Variants in ADK observed in about 807,000 individuals in gnomAD.
The protein encoded by ADK is N6,N6-dimethyladenosine kinase.
In ADK, 24 loss-of-function variants were observed where a neutral mutation model predicts 44.7. The observed-to-expected ratio is 0.54, with a 90% CI of 0.39 to 0.76. ADK has a LOEUF of 0.76. Ranked by LOEUF, ADK falls within the 30% of genes least tolerant of loss-of-function variation. The pLI is 0.00. For synonymous variants in ADK, 128 were observed against 142.6 expected (o/e 0.90, Z 0.73); for missense variants, 321 against 425.1 (o/e 0.76, Z 2.15).
intron 3 of ADK, among the ~76,000 whole-genome samples, chr10:74,269,402 CT>C (rs1846341322): frequency 6.6e-6 from 1 of 152,170 alleles, no homozygotes; most frequent in Non-Finnish European, 1.5e-5. Flanking sequence ...CAGCTTTATA[CT>C]GGTGTCTTTT....
intron 4 of ADK, among the ~76,000 whole-genome samples, chr10:74,337,621 T>C (rs1183639606): frequency 6.6e-6 from 1 of 152,250 alleles, no homozygotes; most frequent in African/African-American, 2.4e-5. Context: ...GTAAATTTTC[T>C]ATACTTACAC....
At chr10:74,486,607 G>A (rs946396821) in intron 6 of ADK, among the ~76,000 whole-genome samples, 23 of 152,156 alleles carry the variant, frequency 1.5e-4, no homozygotes, top group African/African-American at 5.5e-4. Context: ...GCAAAGTGAT[G>A]TATGGATTAT....
intron 6 of ADK, among the ~76,000 whole-genome samples, chr10:74,486,302 C>G (rs1299940792): frequency 1.3e-5 from 2 of 152,142 alleles, no homozygotes; most frequent in Admixed American, 6.6e-5. Flanking sequence ...TGAGGTCACT[C>G]TAGCCATGTG....
intron 6 of ADK, among the ~76,000 whole-genome samples, chr10:74,483,379 TC>T (rs2133360860): frequency 6.6e-6 from 1 of 152,252 alleles, no homozygotes; most frequent in African/African-American, 2.4e-5. Flanking sequence ...AAAGCACTCT[TC>T]GCTTTTATGA....
At chr10:74,357,460 ATTTTTT>A (rs536915870) in intron 4 of ADK, among the ~76,000 whole-genome samples, 2,721 of 134,566 alleles carry the variant, frequency 0.02, 68 homozygotes, top group African/African-American at 0.063. Flanking sequence ...ATACCCAGTG[ATTTTTT>A]TTTTTTTTTT....
chr10:74,679,449 A>G (rs538597411), intron 10 of ADK, among the ~76,000 whole-genome samples: 27 of 152,334 alleles, frequency 1.8e-4, no homozygotes, highest in Non-Finnish European at 2.9e-4. Flanking sequence ...TAGCAGAATT[A>G]AAGTTTGCCA....
intron 6 of ADK, among the ~76,000 whole-genome samples, chr10:74,420,712 G>T (rs150549629): frequency 6.6e-6 from 1 of 152,196 alleles, no homozygotes; most frequent in African/African-American, 2.4e-5. Flanking sequence ...GAATTTAGAT[G>T]TTTGTTCTCC....
intron 6 of ADK, among the ~76,000 whole-genome samples, chr10:74,475,597 C>T (rs1192446807): frequency 6.6e-6 from 1 of 151,772 alleles, no homozygotes; most frequent in African/African-American, 2.4e-5. Context: ...GACCTAGCTA[C>T]TTGGGAGGTT....
At chr10:74,508,299 C>G (rs994383198) in intron 6 of ADK, 7 of 152,136 alleles carry the variant, frequency 4.6e-5, no homozygotes, top group African/African-American at 1.7e-4. Context: ...TCAAAGGAAA[C>G]ACCAAACTGT....
chr10:74,252,558 T>G (rs1025950418), intron 3 of ADK, among the ~76,000 whole-genome samples: 16 of 152,164 alleles, frequency 1.1e-4, no homozygotes, highest in African/African-American at 2.9e-4. Context: ...GGTGTAGAAG[T>G]TGGAGATGAT....
At chr10:74,667,334 TATCTG>T (rs1272159831) in intron 9 of ADK, among the ~76,000 whole-genome samples, 3 of 152,118 alleles carry the variant, frequency 2.0e-5, no homozygotes, top group African/African-American at 4.8e-5. Flanking sequence ...CTTATATACT[TATCTG>T]TACTGATAAG....
rs189961369 is a variant in ADK at position 74,457,939 on chromosome 10, C to A, written c.555+59360C>A. On this transcript the variant is annotated intron_variant, in intron 6 of 10. Transcript: ENST00000539909. ...GTAGATGACGGGTTGATGGGTACAG[C>A]AAACCACCATGGCATGTGTATACCT... Among the ~76,000 whole-genome samples, 751 of 152,036 alleles carry A rather than the reference C, an allele frequency of 4.9e-3. 3 individuals carry two copies. The highest frequency in any genetic ancestry group is 0.014 in the Middle Eastern group (4 of 294).
intron 6 of ADK, among the ~76,000 whole-genome samples, chr10:74,456,666 C>CAAAAA (rs71024510): frequency 6.3e-5 from 4 of 63,080 alleles, no homozygotes; most frequent in South Asian, 1.4e-3. Context: ...GACTCCATCT[C>CAAAAA]AAAAAAAAAA....
chr10:74,585,643 A>G (rs560279627), intron 7 of ADK, among the ~76,000 whole-genome samples: 2 of 152,268 alleles, frequency 1.3e-5, no homozygotes, highest in South Asian at 2.1e-4. Flanking sequence ...GTGATTTTTG[A>G]TGTCAGATCT....
chr10:74,176,542 C>T (rs1029199902), intron 1 of ADK: 3 of 1,277,410 alleles, frequency 2.3e-6, no homozygotes, highest in African/African-American at 3.1e-5. Context: ...TGCGGGGTGA[C>T]GGGACGCTGT....
intron 3 of ADK, among the ~76,000 whole-genome samples, chr10:74,277,161 G>A (rs1247842483): frequency 2.6e-5 from 4 of 151,896 alleles, no homozygotes; most frequent in African/African-American, 4.8e-5. Context: ...CGGGTGATCC[G>A]CCCTCCTCAG....
rs568266533 is a variant in ADK at position 74,528,028 on chromosome 10, G to A, written c.726+2602G>A. On this transcript the variant is annotated intron_variant, in intron 7 of 10. Coordinates refer to ENST00000539909, the MANE Select transcript of ADK (RefSeq NM_006721.4). ...AAAGCGATTGAGGGAATTTGTATTC[G>A]GCAATAAAACCCAGAGTAAACTCTT... 1.3e-4 allele frequency: 110 copies of A among 869,522 alleles called. No individual in the cohort carries two copies. In the East Asian group the frequency reaches 2.5e-3, roughly 20 times the overall value. The allele number at this position is 869,522 out of a possible 1,614,324, so 53.9% of individuals were successfully genotyped here. A position where few individuals can be genotyped will look rare whatever the true frequency, so the allele number is the denominator to read the frequency against.
chr10:74,526,408 G>T (rs1849044646), intron 7 of ADK, among the ~76,000 whole-genome samples: 1 of 152,096 alleles, frequency 6.6e-6, no homozygotes, highest in Non-Finnish European at 1.5e-5. Flanking sequence ...CCATGAAAGA[G>T]GAAAAAATCC....
intron 3 of ADK, among the ~76,000 whole-genome samples, chr10:74,297,343 G>A (rs1332179827): frequency 6.6e-6 from 1 of 152,168 alleles, no homozygotes; most frequent in African/African-American, 2.4e-5. Flanking sequence ...TGGAAGATAT[G>A]GACTGTGTTT....
Sources: allele counts gnomAD v4.1 joint callset (sites outside exome capture counted in the v4.1 genomes callset), GRCh38; gene constraint gnomAD v4.1.1; transcripts MANE v1.5; gene names NCBI Gene and HGNC (gene_info 2026-07-23, HGNC 2026-07-21).